RMND5A: variants seen among roughly 807,000 people sequenced by gnomAD.
RMND5A encodes the protein E3 ubiquitin-protein transferase RMND5A.
In RMND5A, 17 loss-of-function variants were observed where a neutral mutation model predicts 49.7. The ratio of observed to expected loss-of-function variants is 0.34; its 90% CI spans 0.23 to 0.51. The LOEUF (loss-of-function observed/expected upper bound fraction) is 0.51, where lower values mean the gene tolerates loss of function less well. Ranked by LOEUF, RMND5A falls within the 20% of genes least tolerant of loss-of-function variation. RMND5A has a pLI of 0.96. For synonymous variants in RMND5A, 156 were observed against 167.7 expected (o/e 0.93, Z 0.54); for missense variants, 255 against 471.3 (o/e 0.54, Z 4.25).
intron 3 of RMND5A, 115 bp from the exon 4 acceptor site, chr2:86,753,343 A>C: frequency 1.5e-6 from 1 of 646,622 alleles, no homozygotes. Context: ...TCTCTACTAT[A>C]GGGAATTATC....
chr2:86,728,808 C>T (rs1247613898), intron 1 of RMND5A, among the ~76,000 whole-genome samples: 1 of 143,084 alleles, frequency 7.0e-6, no homozygotes, highest in Non-Finnish European at 1.5e-5. Context: ...GGCTGGAGTG[C>T]AGTGGCATGA....
At chr2:86,759,338 AT>A (rs1056351041) in intron 4 of RMND5A, among the ~76,000 whole-genome samples, 2 of 152,146 alleles carry the variant, frequency 1.3e-5, no homozygotes, top group Admixed American at 1.3e-4. Context: ...AATTGTATAG[AT>A]GTGGATTGCT....
chr2:86,742,886 G>A (rs1461351330), intron 2 of RMND5A, among the ~76,000 whole-genome samples: 1 of 151,626 alleles, frequency 6.6e-6, no homozygotes, highest in South Asian at 2.1e-4. Flanking sequence ...AGAGATTCTT[G>A]GAATAAGGGG....
intron 3 of RMND5A, 97 bp from the exon 4 acceptor site, chr2:86,753,361 G>T: frequency 1.4e-6 from 1 of 701,462 alleles, no homozygotes. Context: ...ATCTTTAATG[G>T]CTTGCCCCAT....
At chr2:86,756,591 A>G (rs1255909894) in intron 4 of RMND5A, among the ~76,000 whole-genome samples, 2 of 152,188 alleles carry the variant, frequency 1.3e-5, no homozygotes, top group African/African-American at 4.8e-5. Flanking sequence ...GATTTTTCCA[A>G]TTCTTGCCTA....
intron 1 of RMND5A, among the ~76,000 whole-genome samples, chr2:86,732,310 C>A (rs974425437): frequency 6.7e-6 from 1 of 150,294 alleles, no homozygotes; most frequent in Non-Finnish European, 1.5e-5. Context: ...TGCAGTTGAA[C>A]CCCCTCCCCC....
chr2:86,756,117 T>C (rs1445980886), intron 4 of RMND5A, among the ~76,000 whole-genome samples: 1 of 152,074 alleles, frequency 6.6e-6, no homozygotes, highest in Non-Finnish European at 1.5e-5. Context: ...TCAAGCCAGG[T>C]GCAGTGGCTC....
rs751972316 is a variant in RMND5A, at chr2:86,751,931, T to A, written c.321T>A (p.Asp107Glu). 1 of 1,613,882 alleles carries A rather than the reference T, an allele frequency of 6.2e-7. No individual in the cohort carries two copies. Among genetic ancestry groups the A allele is most frequent in the Non-Finnish European group, 8.5e-7 (1 of 1,179,818 alleles). ...FDSDISSVGI[D>E]GCWQADSQRL... ...CTGACATTAGCAGTGTGGGAATAGA[T>A]GGCTGCTGGCAGGCAGACAGCCAAA... The change falls in exon 3 of 9, where the codon GAT becomes GAA. Residue 107 changes from aspartate (D) to glutamate (E), a missense_variant. Around this residue, in one of 3 missense-constraint regions of RMND5A, gnomAD observed 208 missense variants for 339.8 expected, o/e 0.61. Transcript: ENST00000283632.
At chr2:86,764,877 C>G (rs1672564229) in intron 4 of RMND5A, 150 bp from the exon 5 acceptor site, 1 of 619,898 alleles carries the variant, frequency 1.6e-6, no homozygotes, top group Admixed American at 3.7e-5. Flanking sequence ...ACTTTCCTGA[C>G]AAAGGTCTGG....
Position 86,759,724 on chromosome 2 carries a change from C to T in RMND5A, c.522-5303C>T, listed in dbSNP as rs371673307. On this transcript the variant is annotated intron_variant, in intron 4 of 8. Transcript: ENST00000283632. The stretch of plus-strand genomic sequence containing the variant: ...CTGAGGCACAAGAATCACTTGAACC[C>T]GGGAGGCAGAGGTTGCAGTGAGCCG... Among the ~76,000 whole-genome samples, 19 of 151,174 alleles carry T rather than the reference C, an allele frequency of 1.3e-4. No individual in the cohort carries two copies. The South Asian group carries it at 3.4e-3, about 27-fold the overall frequency.
At chr2:86,769,457 A>G (rs774239078) in intron 6 of RMND5A, among the ~76,000 whole-genome samples, 7 of 152,192 alleles carry the variant, frequency 4.6e-5, no homozygotes, top group Non-Finnish European at 1.5e-5. Context: ...TGTCTTGTAT[A>G]TTGCTGAGTG....
intron 4 of RMND5A, among the ~76,000 whole-genome samples, chr2:86,761,002 G>A (rs1472059567): frequency 6.6e-6 from 1 of 151,286 alleles, no homozygotes; most frequent in Non-Finnish European, 1.5e-5. Context: ...GTGTGTGTGT[G>A]TGAATCAGTT....
chr2:86,762,018 C>G (rs1672496829), intron 4 of RMND5A, among the ~76,000 whole-genome samples: 1 of 152,004 alleles, frequency 6.6e-6, no homozygotes, highest in African/African-American at 2.4e-5. Flanking sequence ...TATAATTACT[C>G]TATAGGCCTG....
In RMND5A at chr2:86,765,906, G is replaced by A. The variant is rs1289189702; in HGVS notation, c.736G>A (p.Glu246Lys). 6.2e-7 allele frequency: 1 copy of A among 1,614,162 alleles called. No homozygotes were observed. Among genetic ancestry groups the A allele is most frequent in the Admixed American group, 1.7e-5 (1 of 60,022 alleles). ...CCTTGTGTACCTGAGACAAGGGATT[G>A]AGAACTCACCATATGTTCACCTACT... ...GSLVYLRQGI[E>K]NSPYVHLLDA... The change falls in exon 6 of 9, where the codon GAG (glutamate) becomes AAG (lysine). Residue 246 changes from glutamate to lysine, a missense_variant. Around this residue, in one of 3 missense-constraint regions of RMND5A, gnomAD observed 208 missense variants for 339.8 expected, o/e 0.61. Coordinates refer to ENST00000283632, the MANE Select transcript of RMND5A (RefSeq NM_022780.4).
In RMND5A at chr2:86,770,992, TGCAGTTACCTTGTTCTTCCA is replaced by T. The variant is rs1331408960; in HGVS notation, c.958-561_958-542del. ...TACCACACCTGTACACGGGTTTATT[TGCAGTTACCTTGTTCTTCCA>T]GCAGGTAACCCTGTCAGTTGGTTGC... On this transcript the variant is annotated intron_variant, in intron 7 of 8. Transcript: ENST00000283632. Among the ~76,000 whole-genome samples, 4 of 152,340 alleles carry T rather than the reference TGCAGTTACCTTGTTCTTCCA, an allele frequency of 2.6e-5. No individual in the cohort carries two copies. In the East Asian group the frequency reaches 7.7e-4, roughly 29 times the overall value.
chr2:86,756,496 C>T (rs1681741949), intron 4 of RMND5A, among the ~76,000 whole-genome samples: 1 of 152,154 alleles, frequency 6.6e-6, no homozygotes, highest in Non-Finnish European at 1.5e-5. Flanking sequence ...ATCTTGTTTT[C>T]CCTCCAGATA....
chr2:86,763,409 T>C lies in RMND5A; in HGVS notation c.522-1618T>C, dbSNP rs138227295. Among the ~76,000 whole-genome samples, 28 of 152,296 alleles carry C rather than the reference T, an allele frequency of 1.8e-4. No individual in the cohort carries two copies. In the East Asian group the frequency reaches 5.0e-3, roughly 27 times the overall value. On this transcript the variant is annotated intron_variant, in intron 4 of 8. Coordinates refer to ENST00000283632, the MANE Select transcript of RMND5A (RefSeq NM_022780.4). ...GAAATCTGTAAGGTGCCTGGCAGAC[T>C]AGAGACTGCAAAAAGCACAGTGCTG...
At chr2:86,724,224 A>G (rs1681262719) in intron 1 of RMND5A, among the ~76,000 whole-genome samples, 1 of 115,032 alleles carries the variant, frequency 8.7e-6, no homozygotes, top group South Asian at 2.7e-4. Flanking sequence ...TTGGTGGTTC[A>G]GGGACAACAT....
chr2:86,747,890 T>G, intron 2 of RMND5A, among the ~76,000 whole-genome samples: 1 of 152,188 alleles, frequency 6.6e-6, no homozygotes, highest in East Asian at 1.9e-4. Flanking sequence ...AGCTTCTAGA[T>G]TTAGTATGTC....
Sources: allele counts gnomAD v4.1 joint callset (sites outside exome capture counted in the v4.1 genomes callset), GRCh38; gene constraint gnomAD v4.1.1; regional missense constraint gnomAD v4.1.1; transcripts MANE v1.5; gene names NCBI Gene and HGNC (gene_info 2026-07-23, HGNC 2026-07-21).